The following CYP4F3 variants were observed in gnomAD, a reference collection of about 807,000 sequenced individuals.
The protein encoded by CYP4F3 is cytochrome P450 4F3.
Under a neutral mutation model 54.8 loss-of-function variants are expected in CYP4F3, and 50 were observed. The ratio of observed to expected loss-of-function variants is 0.91; its 90% CI spans 0.73 to 1.16. The LOEUF (loss-of-function observed/expected upper bound fraction) is 1.16. CYP4F3 is among the 50% of genes most tolerant of loss of function. The pLI is 0.00. For missense variants in CYP4F3, 715 were observed against 676.2 expected, an observed-to-expected ratio of 1.06 and a Z score of -0.64; for synonymous variants, 244 against 262.6, an observed-to-expected ratio of 0.93 and a Z score of 0.69.
intron 6 of CYP4F3, 124 bp downstream of exon 6, chr19:15,649,405 T>C: frequency 6.8e-7 from 1 of 1,477,724 alleles, no homozygotes. Flanking sequence ...TACCTGATCG[T>C]TGAAGGACTG....
At chr19:15,641,251 G>A (rs1055777462) in intron 1 of CYP4F3, 164 bp from the exon 2 acceptor site, 2 of 853,000 alleles carry the variant, frequency 2.3e-6, no homozygotes, top group Admixed American at 5.8e-5. Context: ...TTTTGGCTGG[G>A]CCTTTCTGGA....
chr19:15,652,917 G>C lies in CYP4F3; in HGVS notation c.1080G>C (p.Glu360Asp). 1.2e-6 allele frequency: 2 copies of C among 1,613,022 alleles called. No individual in the cohort carries two copies. The highest frequency in any genetic ancestry group is 1.7e-6 in the Non-Finnish European group (2 of 1,179,406). ...YQERCRQEVQ[E>D]LLKDREPKEI... ...AGCGCTGTCGGCAGGAGGTGCAAGA[G>C]CTTCTGAAGGACCGTGAGCCTAAAG... The change falls in exon 9 of 13, where the codon GAG (glutamate) becomes GAC (aspartate). Residue 360 changes from glutamate (E) to aspartate (D), a missense_variant. Transcript: ENST00000221307.
intron 2 of CYP4F3, chr19:15,644,083 A>G (rs2203998): frequency 0.39 from 589,864 of 1,524,932 alleles, 119,705 homozygotes; most frequent in East Asian, 0.68. Flanking sequence ...GGTGGGTGCT[A>G]TGGTGCATTT....
At position 15,651,392 on chromosome 19, in the gene CYP4F3, G is replaced by A. The variant is rs529908459; in HGVS notation, c.919-1177G>A. On this transcript the variant is annotated intron_variant, in intron 7 of 12. Coordinates refer to ENST00000221307, the MANE Select transcript of CYP4F3 (RefSeq NM_000896.3). The stretch of plus-strand genomic sequence containing the variant: ...TTTGTCTTTTTTTTTTTTTGAGATG[G>A]AGTCTCGCTGTGTCACCCAGGCTGG... Among the ~76,000 whole-genome samples, 122 of 131,208 alleles carry A rather than the reference G, an allele frequency of 9.3e-4. 16 individuals carry two copies. The highest frequency in any genetic ancestry group is 1.1e-3 in the South Asian group (4 of 3,668). 86.1% of individuals were successfully genotyped at this position (131,208 alleles called of 152,430 possible). A position where few individuals can be genotyped will look rare whatever the true frequency, so the allele number is the denominator to read the frequency against.
chr19:15,652,424 G>T (rs1403990214), intron 7 of CYP4F3, 145 bp from the exon 8 acceptor site: 4 of 1,225,054 alleles, frequency 3.3e-6, no homozygotes, highest in Non-Finnish European at 4.6e-6. Context: ...TGGTGACCAA[G>T]AAGGGTCTAG....
In CYP4F3 at chr19:15,640,954, G is replaced by A. The variant is rs887499529; in HGVS notation, c.-2+9G>A. 3 of 161,204 alleles carry A rather than the reference G, an allele frequency of 1.9e-5. 1 individual carries two copies. Among genetic ancestry groups the A allele is most frequent in the South Asian group, 3.1e-4 (2 of 6,540 alleles). The allele number at this position is 161,204 out of a possible 1,614,324, so 10.0% of individuals were successfully genotyped here. ...GGTGCTCCTGACAGAAGGTGCCAGG[G>A]TGGGGGTGGTGGGCCTGGGGCATCC... On this transcript the variant is annotated intron_variant, in intron 1 of 12. Coordinates refer to ENST00000221307, the MANE Select transcript of CYP4F3 (RefSeq NM_000896.3).
chr19:15,641,272 C>G (rs1972453695), intron 1 of CYP4F3, 143 bp from the exon 2 acceptor site: 2 of 1,079,168 alleles, frequency 1.9e-6, no homozygotes, highest in Admixed American at 2.7e-5. Context: ...CTTTACCCCT[C>G]AGCCCCTGTT....
intron 1 of CYP4F3, 91 bp from the exon 2 acceptor site, chr19:15,641,324 G>A (rs758336816): frequency 6.8e-7 from 1 of 1,475,664 alleles, no homozygotes; most frequent in Admixed American, 1.8e-5. Flanking sequence ...CTCCAGCACT[G>A]CCCGTCTCTG....
In CYP4F3 at chr19:15,652,566, C is replaced by T. The variant is rs1441307836; in HGVS notation, c.919-3C>T. On this transcript the variant is annotated splice_region_variant and splice_polypyrimidine_tract_variant and intron_variant, in intron 7 of 12. Transcript: ENST00000221307. ...GGGTGGGGGGTTATTGCCTTCTCTC[C>T]AGGATGAAGATGGGAAGAAGTTGTC... 47 of 1,613,944 alleles carry T rather than the reference C, an allele frequency of 2.9e-5. No homozygotes were observed. In the Admixed American group the frequency reaches 7.8e-4, roughly 27 times the overall value.
Position 15,661,285 on chromosome 19 carries a change from A to G in CYP4F3, c.*1900A>G, listed in dbSNP as rs1973177675. The G allele has an allele frequency of 6.6e-6, 1 of 151,778 alleles. No homozygotes were observed. The highest frequency in any genetic ancestry group is 2.1e-4 in the South Asian group (1 of 4,814). 9.4% of individuals were successfully genotyped at this position (151,778 alleles called of 1,614,324 possible). A position where few individuals can be genotyped will look rare whatever the true frequency, so the allele number is the denominator to read the frequency against. On this transcript the variant is annotated 3_prime_UTR_variant, in exon 13 of 13. Coordinates refer to ENST00000221307, the MANE Select transcript of CYP4F3 (RefSeq NM_000896.3). ...TCGGTCTCAAAAACAAAACAAAACA[A>G]AACAAAACAAAACAAAAACAAAACA... is the stretch of plus-strand genomic sequence containing the variant.
intron 2 of CYP4F3, among the ~76,000 whole-genome samples, chr19:15,643,543 G>C (rs146545263): frequency 6.6e-6 from 1 of 152,194 alleles, no homozygotes; most frequent in South Asian, 2.1e-4. Flanking sequence ...GCTGAGATGC[G>C]TCATGGACTG....
At position 15,658,537 on chromosome 19, in the gene CYP4F3, C is replaced by A. The variant is rs1318907569; in HGVS notation, c.1296C>A (p.Ala432=). The change falls in exon 11 of 13, where the codon GCC becomes GCA. Residue 432 remains alanine, a synonymous_variant. Coordinates refer to ENST00000221307, the MANE Select transcript of CYP4F3 (RefSeq NM_000896.3). ...ISVFGTHHNP[A]VWPDPEVYDP... is the part of the protein sequence containing the mutation. ...TTTTTGGAACCCATCACAACCCAGC[C>A]GTGTGGCCGGACCCTGAGGTGCGGG... is the stretch of plus-strand genomic sequence containing the variant. 1.2e-6 allele frequency: 2 copies of A among 1,614,146 alleles called. No homozygotes were observed. The highest frequency in any genetic ancestry group is 2.2e-5 in the East Asian group (1 of 44,876).
chr19:15,656,614 A>G (rs918781228), intron 9 of CYP4F3, among the ~76,000 whole-genome samples: 4 of 146,702 alleles, frequency 2.7e-5, no homozygotes, highest in African/African-American at 1.0e-4. Flanking sequence ...CTATCTATCT[A>G]TCATCTATGT....
At chr19:15,653,426 T>C (rs1972919699) in intron 9 of CYP4F3, among the ~76,000 whole-genome samples, 2 of 152,126 alleles carry the variant, frequency 1.3e-5, no homozygotes, top group African/African-American at 4.8e-5. Context: ...GCAAATACTC[T>C]CATACTGCAT....
At chr19:15,642,908 GGATGGAT>G (rs1972507038) in intron 2 of CYP4F3, among the ~76,000 whole-genome samples, 1 of 151,608 alleles carries the variant, frequency 6.6e-6, no homozygotes, top group African/African-American at 2.4e-5. Flanking sequence ...ATGGATGGAT[GGATGGAT>G]GGATGGATAA....
At chr19:15,652,755 C>A in intron 8 of CYP4F3, 68 bp from the exon 9 acceptor site, 1 of 1,601,678 alleles carries the variant, frequency 6.2e-7, no homozygotes, top group Non-Finnish European at 8.5e-7. Context: ...GTCCTCAATG[C>A]AAGGTTGCTG....
intron 5 of CYP4F3, among the ~76,000 whole-genome samples, chr19:15,648,007 G>A (rs547566932): frequency 2.4e-4 from 37 of 152,206 alleles, no homozygotes; most frequent in African/African-American, 7.7e-4. Flanking sequence ...AGTCCAACAC[G>A]GAATCAATGG....
intron 9 of CYP4F3, among the ~76,000 whole-genome samples, chr19:15,653,905 A>G (rs947765281): frequency 7.2e-5 from 11 of 152,052 alleles, no homozygotes; most frequent in African/African-American, 2.7e-4. Flanking sequence ...GAAAATGTTA[A>G]TGGCTTCAGT....
In CYP4F3 at chr19:15,658,256, T is replaced by C. The variant is rs776664523; in HGVS notation, c.1116-8T>C. On this transcript the variant is annotated splice_region_variant and splice_polypyrimidine_tract_variant and intron_variant, in intron 9 of 12. Transcript: ENST00000221307. Reference sequence around the variant, plus strand: ...TTGATAAGGATTGGGGCTGGGGTGTTTCCTTAGGGACGACCTGGCCCAGCT... The same window carrying C: ...TTGATAAGGATTGGGGCTGGGGTGTCTCCTTAGGGACGACCTGGCCCAGCT... 5.0e-6 allele frequency: 8 copies of C among 1,613,662 alleles called. No homozygotes were observed. The highest frequency in any genetic ancestry group is 5.9e-6 in the Non-Finnish European group (7 of 1,179,872).
Sources: gnomAD v4.1 joint callset for allele counts (sites outside exome capture counted in the v4.1 genomes callset) on GRCh38, gnomAD v4.1.1 for gene constraint, MANE v1.5 for transcripts, NCBI Gene and HGNC (gene_info 2026-07-23, HGNC 2026-07-21) for gene names.